Variants in BAZ1B observed in about 807,000 individuals in gnomAD.
BAZ1B encodes tyrosine-protein kinase BAZ1B.
Under a neutral mutation model 153.8 loss-of-function variants are expected in BAZ1B, and 22 were observed. That is an observed-to-expected ratio of 0.14 (90% confidence interval 0.10 to 0.20). The LOEUF is 0.20. Ranked by LOEUF, BAZ1B falls within the 10% of genes least tolerant of loss-of-function variation. The pLI is 1.00. For missense variants in BAZ1B, 1,325 were observed against 1,799.3 expected, an observed-to-expected ratio of 0.74 and a Z score of 4.77; for synonymous variants, 676 against 633.4, an observed-to-expected ratio of 1.07 and a Z score of -1.01.
At chr7:73,514,550 AC>A (rs1554579013) in intron 1 of BAZ1B, among the ~76,000 whole-genome samples, 1 of 151,624 alleles carries the variant, frequency 6.6e-6, no homozygotes. Context: ...AAAAAAAAAA[AC>A]TGCATAGTGG....
chr7:73,448,676 C>A (rs996486379), intron 15 of BAZ1B, among the ~76,000 whole-genome samples: 1 of 152,140 alleles, frequency 6.6e-6, no homozygotes, highest in African/African-American at 2.4e-5. Context: ...GAATTCTGGG[C>A]AGAGAATGTT....
intron 6 of BAZ1B, among the ~76,000 whole-genome samples, chr7:73,480,157 CAA>C (rs112891160): frequency 5.2e-4 from 48 of 93,196 alleles, no homozygotes; most frequent in Non-Finnish European, 3.7e-4. Flanking sequence ...GACTCTGCCT[CAA>C]AAAAAAAAAA....
intron 1 of BAZ1B, among the ~76,000 whole-genome samples, chr7:73,513,165 T>C (rs1409696102): frequency 6.6e-6 from 1 of 152,052 alleles, no homozygotes; most frequent in Non-Finnish European, 1.5e-5. Context: ...ATTGCCCAGG[T>C]TGGTCTTGAA....
chr7:73,478,345 C>A lies in BAZ1B; in HGVS notation c.1116G>T (p.Met372Ile). Residue 372 changes from methionine (M) to isoleucine (I), a missense_variant, in exon 7 of 20, where the codon ATG becomes ATT. Transcript: ENST00000339594. ...TAGTGTGCAGCTTATTGGGCGACAT[C>A]ATCTTCATCATTTCTTCTAGATGTT... ...PEEHLEEMMK[M>I]MSPNKLHTNF... 2 of 1,612,728 alleles carry A rather than the reference C, an allele frequency of 1.2e-6. No homozygotes were observed. Among genetic ancestry groups the A allele is most frequent in the Non-Finnish European group, 1.7e-6 (2 of 1,179,732 alleles).
intron 2 of BAZ1B, among the ~76,000 whole-genome samples, chr7:73,510,335 A>C (rs1790529429): frequency 6.6e-6 from 1 of 152,052 alleles, no homozygotes; most frequent in South Asian, 2.1e-4. Context: ...AGGCTGAGGC[A>C]GGAGAATCAC....
At chr7:73,442,920 A>G in intron 17 of BAZ1B, 92 bp from the exon 18 acceptor site, 2 of 954,108 alleles carry the variant, frequency 2.1e-6, no homozygotes, top group East Asian at 2.6e-5. Flanking sequence ...TCAAAAAAGG[A>G]AGAGAGTTCA....
At position 73,522,061 on chromosome 7, in the gene BAZ1B, G is replaced by T; in HGVS notation, c.-128C>A. 1.7e-6 allele frequency: 1 copy of T among 592,640 alleles called. No individual in the cohort carries two copies. Among genetic ancestry groups the T allele is most frequent in the Non-Finnish European group, 2.5e-6 (1 of 404,996 alleles). 36.7% of individuals were successfully genotyped at this position (592,640 alleles called of 1,614,324 possible). ...GGGGGAAGGGAGGGGTGAGAGGGCG[G>T]CGCGAACTCCGGCTCCCTCACCGCC... On this transcript the variant is annotated 5_prime_UTR_variant, in exon 1 of 20. Transcript: ENST00000339594.
chr7:73,462,936 CTGA>C lies in BAZ1B; in HGVS notation c.3232_3234del (p.Ser1078del), dbSNP rs1563371464. 1 of 1,614,030 alleles carries C rather than the reference CTGA, an allele frequency of 6.2e-7. No individual in the cohort carries two copies. On this transcript the variant is annotated inframe_deletion, in exon 12 of 20. Coordinates refer to ENST00000339594, the MANE Select transcript of BAZ1B (RefSeq NM_032408.4). Reference sequence around the variant, plus strand: ...TATATTCCTACCCGGGCTTCAAATTCTGATGTTTCTTCCACATATCCAAGTCCT... The same window carrying C: ...TATATTCCTACCCGGGCTTCAAATTCTGTTTCTTCCACATATCCAAGTCCT...
intron 1 of BAZ1B, among the ~76,000 whole-genome samples, chr7:73,516,772 CAAAAAAAAAAAA>C (rs71517390): frequency 1.1e-3 from 59 of 53,468 alleles, no homozygotes; most frequent in African/African-American, 4.4e-3. Context: ...GTGACTGTCT[CAAAAAAAAAAAA>C]AAAAAAAAAA....
intron 4 of BAZ1B, among the ~76,000 whole-genome samples, chr7:73,493,198 C>T (rs781861654): frequency 7.2e-5 from 11 of 152,166 alleles, no homozygotes; most frequent in South Asian, 2.1e-4. Context: ...TGGTGGCTCA[C>T]GCCTGCAATC....
intron 13 of BAZ1B, 42 bp downstream of exon 13, chr7:73,459,494 C>A (rs1788320354): frequency 1.3e-6 from 2 of 1,586,184 alleles, no homozygotes; most frequent in South Asian, 1.1e-5. Flanking sequence ...CAAATCAACT[C>A]ATCTACGGAA....
chr7:73,488,500 G>A (rs1789505528), intron 6 of BAZ1B, among the ~76,000 whole-genome samples: 1 of 152,052 alleles, frequency 6.6e-6, no homozygotes, highest in Admixed American at 6.6e-5. Flanking sequence ...GGGAGGCCGA[G>A]GCAGGCGGAT....
At chr7:73,449,831 T>C (rs539384767) in intron 14 of BAZ1B, 142 bp from the exon 15 acceptor site, 1 of 853,314 alleles carries the variant, frequency 1.2e-6, no homozygotes, top group Admixed American at 3.7e-5. Context: ...GCTTTGTAAA[T>C]GCAGGCATTT....
At position 73,443,529 on chromosome 7, in the gene BAZ1B, T is replaced by A. The variant is rs1554565598; in HGVS notation, c.3990+455A>T. Among the ~76,000 whole-genome samples, 103 of 64,576 alleles carry A rather than the reference T, an allele frequency of 1.6e-3. 1 individual carries two copies. The Admixed American group carries it at 0.017, about 10-fold the overall frequency. 42.4% of individuals were successfully genotyped at this position (64,576 alleles called of 152,430 possible). On this transcript the variant is annotated intron_variant, in intron 17 of 19. Coordinates refer to ENST00000339594, the MANE Select transcript of BAZ1B (RefSeq NM_032408.4). Reference sequence around the variant, plus strand: ...CAAAACAAGCACCTTTTCAAGAGTTTCTTTTTTGTTCTTTAAAGCTCAAGT... The same window carrying A: ...CAAAACAAGCACCTTTTCAAGAGTTACTTTTTTGTTCTTTAAAGCTCAAGT...
In BAZ1B at chr7:73,485,531, T is replaced by C. The variant is rs546317675; in HGVS notation, c.891+3663A>G. Among the ~76,000 whole-genome samples the C allele has an allele frequency of 4.7e-5, 7 of 149,864 alleles. No individual in the cohort carries two copies. The Admixed American group carries it at 4.7e-4, about 10-fold the overall frequency. On this transcript the variant is annotated intron_variant, in intron 6 of 19. Coordinates refer to ENST00000339594, the MANE Select transcript of BAZ1B (RefSeq NM_032408.4). ...ATCCTAGCTAGTCAGAAGCATGAGG[T>C]GGGAGGACTGCTTGAGCCAGAAGTT...
chr7:73,459,460 C>T, intron 13 of BAZ1B, 76 bp downstream of exon 13: 2 of 1,464,306 alleles, frequency 1.4e-6, no homozygotes, highest in Non-Finnish European at 1.8e-6. Flanking sequence ...AGCTAAAATG[C>T]ATAGGGTTAG....
At chr7:73,483,526 G>GT (rs1789279782) in intron 6 of BAZ1B, among the ~76,000 whole-genome samples, 1 of 152,132 alleles carries the variant, frequency 6.6e-6, no homozygotes, top group South Asian at 2.1e-4. Flanking sequence ...TATTTAAAGT[G>GT]TTCTCAAAAT....
In BAZ1B at chr7:73,492,918, T is replaced by A; in HGVS notation, c.575A>T (p.Asp192Val). Residue 192 changes from aspartate to valine, a missense_variant, in exon 5 of 20, where the codon GAC (aspartate) becomes GTC (valine). By Grantham distance (152) the Asp-to-Val change is radical. Transcript: ENST00000339594. The part of the protein sequence containing the change: ...EDEGRRESIN[D>V]RARRSPRKLP... ...TTTTCGTGGCGATCTACGTGCTCTG[T>A]CATCTAGTCAAATCATAGAAAATTA... 6.3e-7 allele frequency: 1 copy of A among 1,592,908 alleles called. No homozygotes were observed. Among genetic ancestry groups the A allele is most frequent in the Non-Finnish European group, 8.5e-7 (1 of 1,174,348 alleles).
intron 12 of BAZ1B, among the ~76,000 whole-genome samples, chr7:73,461,426 A>G (rs1283206580): frequency 1.3e-5 from 2 of 152,266 alleles, no homozygotes; most frequent in Non-Finnish European, 2.9e-5. Context: ...AAGAAAAATG[A>G]CAACCTAACG....
Sources: gnomAD v4.1 joint callset for allele counts (sites outside exome capture counted in the v4.1 genomes callset) on GRCh38, gnomAD v4.1.1 for gene constraint, MANE v1.5 for transcripts, NCBI Gene and HGNC (gene_info 2026-07-23, HGNC 2026-07-21) for gene names.